EFCAB6: variants seen among roughly 807,000 people sequenced by gnomAD.
EFCAB6 encodes EF-hand calcium binding domain 6, also known as EF-hand calcium-binding domain-containing protein 6.
Under a neutral mutation model 169.8 loss-of-function variants are expected in EFCAB6, and 156 were observed. The observed-to-expected ratio is 0.92, with a 90% CI of 0.81 to 1.05. The LOEUF (loss-of-function observed/expected upper bound fraction) is 1.05, where lower values mean the gene tolerates loss of function less well. EFCAB6 is among the 50% of genes least tolerant of loss of function. EFCAB6 has a pLI of 0.00. For synonymous variants in EFCAB6, 698 were observed against 676.4 expected (o/e 1.03, Z -0.50); for missense variants, 1,800 against 1,829.1 (o/e 0.98, Z 0.29).
At chr22:43,721,165 A>G (rs1330821076) in intron 8 of EFCAB6, among the ~76,000 whole-genome samples, 3 of 152,206 alleles carry the variant, frequency 2.0e-5, no homozygotes, top group Non-Finnish European at 4.4e-5. Flanking sequence ...AATACAGCTA[A>G]CCAAGGAGGT....
chr22:43,755,833 C>A lies in EFCAB6; in HGVS notation c.441-1G>T. ...GCAATTCATTTCATTCCCACCTCCC[C>A]TTAGAAATAAAAAAAAAATCTTTAT... is the stretch of plus-strand genomic sequence containing the variant. On this transcript the variant is annotated splice_acceptor_variant, in intron 5 of 31. Transcript: ENST00000262726. LOFTEE classifies it high-confidence loss of function. 1 of 1,592,838 alleles carries A rather than the reference C, an allele frequency of 6.3e-7. No homozygotes were observed. Among genetic ancestry groups the A allele is most frequent in the Non-Finnish European group, 8.5e-7 (1 of 1,172,700 alleles).
At chr22:43,632,051 G>T in intron 19 of EFCAB6, 54 bp downstream of exon 19, 3 of 1,597,010 alleles carry the variant, frequency 1.9e-6, no homozygotes, top group Non-Finnish European at 2.6e-6. Context: ...TGGGCTGCGT[G>T]GTTGGGAGCA....
chr22:43,606,750 A>AAAATCTG (rs2052942826), intron 22 of EFCAB6, among the ~76,000 whole-genome samples: 1 of 152,254 alleles, frequency 6.6e-6, no homozygotes, highest in Non-Finnish European at 1.5e-5. Flanking sequence ...ACACAGGGTG[A>AAAATCTG]AAATCTGCAC....
Position 43,635,097 on chromosome 22 carries a change from G to C in EFCAB6, c.2098+5C>G, listed in dbSNP as rs181939688. 1.9e-5 allele frequency: 31 copies of C among 1,613,414 alleles called. No homozygotes were observed. The East Asian group carries it at 6.0e-4, about 31-fold the overall frequency. On this transcript the variant is annotated splice_donor_5th_base_variant and intron_variant, in intron 18 of 31. Coordinates refer to ENST00000262726, the MANE Select transcript of EFCAB6 (RefSeq NM_022785.4). Reference sequence around the variant, plus strand: ...CCACAGGGTGTGGACTTGGCCATTAGCTACCTTCAAATCCTGCTGCAAAAT... The same window carrying C: ...CCACAGGGTGTGGACTTGGCCATTACCTACCTTCAAATCCTGCTGCAAAAT...
chr22:43,705,282 G>A lies in EFCAB6; in HGVS notation c.1031+6193C>T, dbSNP rs192735606. ...CAGATTGCAATATAATAATAGTAGG[G>A]GATTTCAATACCCCACTTTCAATAA... On this transcript the variant is annotated intron_variant, in intron 10 of 31. Transcript: ENST00000262726. Among the ~76,000 whole-genome samples the A allele has an allele frequency of 6.6e-5, 10 of 151,954 alleles. No individual in the cohort carries two copies. In the East Asian group the frequency reaches 1.7e-3, roughly 26 times the overall value.
At chr22:43,595,147 T>C (rs1175510634) in intron 23 of EFCAB6, among the ~76,000 whole-genome samples, 4 of 151,732 alleles carry the variant, frequency 2.6e-5, no homozygotes, top group Non-Finnish European at 5.9e-5. Flanking sequence ...GGGACATGTA[T>C]AGCAATAAAT....
intron 17 of EFCAB6, among the ~76,000 whole-genome samples, chr22:43,653,767 G>A (rs1351926155): frequency 6.6e-6 from 1 of 152,060 alleles, no homozygotes; most frequent in Non-Finnish European, 1.5e-5. Flanking sequence ...GATTTCTAGT[G>A]GCCCTGTCTT....
intron 27 of EFCAB6, among the ~76,000 whole-genome samples, chr22:43,543,375 G>C (rs2047859724): frequency 6.6e-6 from 1 of 152,198 alleles, no homozygotes; most frequent in East Asian, 1.9e-4. Context: ...CTCTGCTGGT[G>C]CTCTAGATCC....
At chr22:43,593,435 T>C (rs2051721817) in intron 23 of EFCAB6, among the ~76,000 whole-genome samples, 1 of 152,212 alleles carries the variant, frequency 6.6e-6, no homozygotes, top group Non-Finnish European at 1.5e-5. Flanking sequence ...TACTCACAAG[T>C]GGCAGGAAAG....
At chr22:43,594,773 G>A (rs537108858) in intron 23 of EFCAB6, among the ~76,000 whole-genome samples, 1 of 152,266 alleles carries the variant, frequency 6.6e-6, no homozygotes, top group South Asian at 2.1e-4. Flanking sequence ...TATGGTCTAG[G>A]TCTAATGGAC....
At chr22:43,597,129 A>G (rs2052075819) in intron 23 of EFCAB6, among the ~76,000 whole-genome samples, 1 of 152,248 alleles carries the variant, frequency 6.6e-6, no homozygotes, top group South Asian at 2.1e-4. Context: ...TAAATGTAAG[A>G]CCATAAACTA....
At chr22:43,614,637 G>C (rs9680854) in intron 21 of EFCAB6, among the ~76,000 whole-genome samples, 34,564 of 152,190 alleles carry the variant, frequency 0.23, 4,283 homozygotes, top group African/African-American at 0.31. Flanking sequence ...GAACCTAGAG[G>C]GCTGCTCTGA....
chr22:43,738,512 CCATAT>C (rs2060251280), intron 6 of EFCAB6, among the ~76,000 whole-genome samples: 1 of 151,582 alleles, frequency 6.6e-6, no homozygotes, highest in South Asian at 2.1e-4. Flanking sequence ...CTCACACACA[CCATAT>C]CTCACACATA....
chr22:43,759,164 A>G (rs1385929137), intron 5 of EFCAB6: 2 of 152,256 alleles, frequency 1.3e-5, no homozygotes, highest in African/African-American at 4.8e-5. Context: ...ACCTGCCTAA[A>G]GTCAGCTTCA....
chr22:43,652,486 G>A (rs1010458050), intron 17 of EFCAB6, among the ~76,000 whole-genome samples: 1 of 152,004 alleles, frequency 6.6e-6, no homozygotes, highest in Non-Finnish European at 1.5e-5. Context: ...ATACACCCAG[G>A]CTCTGAGTTA....
intron 17 of EFCAB6, 138 bp downstream of exon 17, chr22:43,666,966 T>C (rs1295514434): frequency 8.2e-6 from 9 of 1,100,878 alleles, no homozygotes; most frequent in East Asian, 5.7e-5. Context: ...AAAAAAAAAA[T>C]CCTTTTAAAT....
intron 17 of EFCAB6, among the ~76,000 whole-genome samples, chr22:43,638,793 T>C (rs2055604338): frequency 6.6e-6 from 1 of 152,062 alleles, no homozygotes; most frequent in African/African-American, 2.4e-5. Flanking sequence ...CCTGTTCTTT[T>C]TTTTTTTTTG....
At chr22:43,618,413 G>A (rs2374774) in intron 20 of EFCAB6, among the ~76,000 whole-genome samples, 42,070 of 151,706 alleles carry the variant, frequency 0.28, 6,425 homozygotes, top group East Asian at 0.62. Context: ...AGGTGCTTCC[G>A]GTCCCAGTTA....
At chr22:43,711,701 A>C (rs878885077) in intron 9 of EFCAB6, 78 bp from the exon 10 acceptor site, 2 of 1,512,268 alleles carry the variant, frequency 1.3e-6, no homozygotes, top group Non-Finnish European at 1.8e-6. Flanking sequence ...TATTTTTACC[A>C]AAAACCTCTT....
Sources: allele counts gnomAD v4.1 joint callset (sites outside exome capture counted in the v4.1 genomes callset), GRCh38; gene constraint gnomAD v4.1.1; transcripts MANE v1.5; gene names NCBI Gene and HGNC (gene_info 2026-07-23, HGNC 2026-07-21).